Variants in PRX observed in about 807,000 individuals in gnomAD.
The protein encoded by PRX is periaxin.
PRX carries 24 observed loss-of-function variants against 29.6 expected under a neutral mutation model. That is an observed-to-expected ratio of 0.81 (90% CI 0.59 to 1.14). The LOEUF (loss-of-function observed/expected upper bound fraction) is 1.14. Ranked by LOEUF, PRX falls within the 50% of genes most tolerant of loss-of-function variation. The pLI, the probability that PRX is intolerant of heterozygous loss-of-function variation, is 0.00. For synonymous variants in PRX, 772 were observed against 831.7 expected, an observed-to-expected ratio of 0.93 and a Z score of 1.24; for missense variants, 1,838 against 1,926.4, an observed-to-expected ratio of 0.95 and a Z score of 0.86.
At position 40,394,133 on chromosome 19, in the gene PRX, A is replaced by C. The variant is rs146468976; in HGVS notation, c.4219T>G (p.Ser1407Ala). 5.1e-5 allele frequency: 82 copies of C among 1,599,552 alleles called. No individual in the cohort carries two copies. The highest frequency in any genetic ancestry group is 6.7e-5 in the Non-Finnish European group (78 of 1,170,324). The change falls in exon 7 of 7, where the codon TCA becomes GCA. Residue 1407 changes from serine to alanine, a missense_variant. By Grantham distance (99) the Ser-to-Ala change is moderately conservative. Transcript: ENST00000324001. This position sits in a 1 kb window ranked among gnomAD's most constrained non-coding sequence, Gnocchi z 5.8. Reference protein sequence around the residue: ...AAPKSPVREKSPKFRFPRVSL... With the variant: ...AAPKSPVREKAPKFRFPRVSL... The stretch of plus-strand genomic sequence containing the variant: ...ACCCTGGGGAAGCGGAACTTGGGTG[A>C]CTTCTCTCTGACGGGGGACTTGGGG...
At chr19:40,407,212 T>TGTGTGTGTGTGTG (rs2079535328) in intron 4 of PRX, among the ~76,000 whole-genome samples, 4 of 133,844 alleles carry the variant, frequency 3.0e-5, no homozygotes, top group African/African-American at 1.1e-4. Flanking sequence ...TTATATGCCC[T>TGTGTGTGTGTGTG]TGTGTGTGTG....
intron 5 of PRX, among the ~76,000 whole-genome samples, chr19:40,400,089 C>T (rs2079483590): frequency 1.3e-5 from 2 of 151,104 alleles, no homozygotes; most frequent in East Asian, 2.0e-4. Flanking sequence ...TTCAAGCGAC[C>T]CTCCTGCCTC....
chr19:40,398,900 C>T lies in PRX; in HGVS notation c.185-84G>A, dbSNP rs920600827. 3.0e-4 allele frequency: 482 copies of T among 1,593,128 alleles called. 3 individuals carry two copies. The highest frequency in any genetic ancestry group is 6.2e-4 in the Admixed American group (36 of 57,852). The stretch of plus-strand genomic sequence containing the variant: ...GTTCTGCCCACTTGCACGGAGCCCT[C>T]GCGGTGAGGACCCGCCCCAAATTTT... On this transcript the variant is annotated intron_variant, in intron 5 of 6. Coordinates refer to ENST00000324001, the MANE Select transcript of PRX (RefSeq NM_181882.3). This position sits in a 1 kb window ranked among gnomAD's most constrained non-coding sequence, Gnocchi z 6.3.
At chr19:40,413,559 G>C (rs1025568166), upstream of PRX, among the ~76,000 whole-genome samples, 1 of 152,086 alleles carries the variant, frequency 6.6e-6, no homozygotes, top group African/African-American at 2.4e-5. Context: ...GCCACCAGCC[G>C]CCTCTCTCTT....
intron 1 of PRX, among the ~76,000 whole-genome samples, chr19:40,412,545 C>A (rs529371207): frequency 6.6e-6 from 1 of 152,318 alleles, no homozygotes; most frequent in East Asian, 1.9e-4. Context: ...CACAGTGTTG[C>A]ACATCCAACC....
intron 1 of PRX, among the ~76,000 whole-genome samples, chr19:40,408,816 GGTGTGTGTGTGTGTGT>G (rs575859236): frequency 7.0e-6 from 1 of 143,306 alleles, no homozygotes; most frequent in Middle Eastern, 3.3e-3. Context: ...TGTTGTTGGT[GGTGTGTGTGTGTGTGT>G]GTGTGTGTGT....
chr19:40,413,887 CG>C (rs1225211058), upstream of PRX, among the ~76,000 whole-genome samples: 1 of 152,140 alleles, frequency 6.6e-6, no homozygotes, highest in African/African-American at 2.4e-5. Context: ...AAGACAATGC[CG>C]GGCACATAAT....
At chr19:40,408,304 G>C (rs1319749809) in intron 2 of PRX, 36 bp downstream of exon 2, 1 of 427,406 alleles carries the variant, frequency 2.3e-6, no homozygotes, top group Non-Finnish European at 4.4e-6. Context: ...GCGAGGAAGG[G>C]GTGGGGAGGG....
At chr19:40,399,979 CT>C (rs112236624) in intron 5 of PRX, among the ~76,000 whole-genome samples, 1 of 133,550 alleles carries the variant, frequency 7.5e-6, no homozygotes, top group Non-Finnish European at 1.6e-5. Context: ...GTCTGTCTTT[CT>C]TTTCTTTTCT....
chr19:40,413,756 C>T (rs980965008), upstream of PRX, among the ~76,000 whole-genome samples: 2 of 152,184 alleles, frequency 1.3e-5, no homozygotes, highest in African/African-American at 4.8e-5. Context: ...CAAATCGCAG[C>T]GCGACCACTT....
intron 5 of PRX, among the ~76,000 whole-genome samples, chr19:40,400,822 G>T (rs907151730): frequency 6.6e-6 from 1 of 152,000 alleles, no homozygotes; most frequent in Non-Finnish European, 1.5e-5. Flanking sequence ...GTCACCCCTT[G>T]GGAATTCTTG....
intron 5 of PRX, among the ~76,000 whole-genome samples, chr19:40,402,595 C>A (rs1259306634): frequency 3.3e-5 from 5 of 150,080 alleles, no homozygotes; most frequent in Admixed American, 6.7e-5. Context: ...CACGGTGAAA[C>A]CTCGTCTCTA....
At position 40,395,245 on chromosome 19, in the gene PRX, G is replaced by A. The variant is rs771237505; in HGVS notation, c.3107C>T (p.Ala1036Val). 17 of 1,613,830 alleles carry A rather than the reference G, an allele frequency of 1.1e-5. No individual in the cohort carries two copies. Among genetic ancestry groups the A allele is most frequent in the Non-Finnish European group, 1.4e-5 (16 of 1,180,020 alleles). Residue 1036 changes from alanine (A) to valine (V), a missense_variant, in exon 7 of 7, where the codon GCA (alanine) becomes GTA (valine). Physicochemically the swap from Ala to Val is moderately conservative, Grantham distance 64. Around this residue, in one of 3 missense-constraint regions of PRX, gnomAD observed 1,143 missense variants for 1,193.0 expected, o/e 0.96. Transcript: ENST00000324001. ...CTCAGCCACCCCTGGCACTAGTTCT[G>A]CTGCCTCAGTGTCCCGGCCTCTGAC... Reference protein sequence around the residue: ...FGVRGRDTEAAELVPGVAELE... With the variant: ...FGVRGRDTEAVELVPGVAELE...
At position 40,398,667 on chromosome 19, in the gene PRX, C is replaced by T. The variant is rs1374240096; in HGVS notation, c.334G>A (p.Val112Met). The change falls in exon 6 of 7, where the codon GTG (valine) becomes ATG (methionine). Residue 112 changes from valine to methionine, a missense_variant. Physicochemically the swap from Val to Met is conservative, Grantham distance 21. This residue lies in a region of PRX where 666 missense variants were observed against 665.0 expected (regional missense o/e 1.00). Coordinates refer to ENST00000324001, the MANE Select transcript of PRX (RefSeq NM_181882.3). This position sits in a 1 kb window ranked among gnomAD's most constrained non-coding sequence, Gnocchi z 6.3. ...TGDLALRPGT[V>M]SGYEIKGPRA... is the part of the protein sequence containing the mutation. ...GGGCCCTTGATCTCGTAGCCAGACA[C>T]GGTCCCGGGCCGCAGAGCCAGGTCC... 2 of 1,613,944 alleles carry T rather than the reference C, an allele frequency of 1.2e-6. No individual in the cohort carries two copies. Among genetic ancestry groups the T allele is most frequent in the Admixed American group, 1.7e-5 (1 of 60,020 alleles).
intron 1 of PRX, among the ~76,000 whole-genome samples, chr19:40,412,797 C>T (rs1202970333): frequency 6.6e-6 from 1 of 152,194 alleles, no homozygotes; most frequent in African/African-American, 2.4e-5. Context: ...CTCACTGCAG[C>T]CCCAACCTCC....
chr19:40,403,460 T>C (rs2079509786), intron 5 of PRX, among the ~76,000 whole-genome samples: 2 of 152,126 alleles, frequency 1.3e-5, no homozygotes, highest in South Asian at 4.1e-4. Flanking sequence ...ATTTCAGAGA[T>C]GAGAAAACTG....
chr19:40,396,426 C>CGGGAGTTTCACCTCA lies in PRX; in HGVS notation c.1911_1925dup (p.Glu638_Pro642dup), dbSNP rs759376968. On this transcript the variant is annotated inframe_insertion, in exon 7 of 7. Coordinates refer to ENST00000324001, the MANE Select transcript of PRX (RefSeq NM_181882.3). ...CGGGCACAGCCATCTCGGGCACCTT[C>CGGGAGTTTCACCTCA]GGGAGTTTCACCTCAGGGAGTTTCA... 6.2e-7 allele frequency: 1 copy of CGGGAGTTTCACCTCA among 1,604,958 alleles called. No homozygotes were observed. The highest frequency in any genetic ancestry group is 8.5e-7 in the Non-Finnish European group (1 of 1,177,126).
At position 40,397,022 on chromosome 19, in the gene PRX, G is replaced by A. The variant is rs1046312200; in HGVS notation, c.1330C>T (p.Leu444Phe). 6.2e-7 allele frequency: 1 copy of A among 1,614,024 alleles called. No individual in the cohort carries two copies. Among genetic ancestry groups the A allele is most frequent in the African/African-American group, 1.3e-5 (1 of 74,930 alleles). ...VKVPKGPEVK[L>F]PKAPEVKLPK... ...AGCTTGACCTCAGGAGCCTTGGGGA[G>A]CTTCACTTCAGGTCCCTTGGGCACC... Residue 444 changes from leucine to phenylalanine, a missense_variant, in exon 7 of 7, where the codon CTC becomes TTC. Coordinates refer to ENST00000324001, the MANE Select transcript of PRX (RefSeq NM_181882.3).
rs2079445823 is a variant in PRX, at chr19:40,397,013, C to T, written c.1339G>A (p.Ala447Thr). The change falls in exon 7 of 7, where the codon GCT becomes ACT. Residue 447 changes from alanine (A) to threonine (T), a missense_variant. By Grantham distance (58) the Ala-to-Thr change is moderately conservative (BLOSUM62 0). This residue lies in a region of PRX where 666 missense variants were observed against 665.0 expected (regional missense o/e 1.00). Transcript: ENST00000324001. ...PKGPEVKLPK[A>T]PEVKLPKVPE... is the part of the protein sequence containing the mutation. The stretch of plus-strand genomic sequence containing the variant: ...ACTTTTGGAAGCTTGACCTCAGGAG[C>T]CTTGGGGAGCTTCACTTCAGGTCCC... 1 of 1,614,150 alleles carries T rather than the reference C, an allele frequency of 6.2e-7. No individual in the cohort carries two copies. Among genetic ancestry groups the T allele is most frequent in the Non-Finnish European group, 8.5e-7 (1 of 1,180,046 alleles).
Sources: gnomAD v4.1 joint callset for allele counts (sites outside exome capture counted in the v4.1 genomes callset) on GRCh38, gnomAD v4.1.1 for gene constraint, gnomAD v4.1.1 regional missense constraint, Gnocchi (gnomAD v3.1) non-coding constraint, MANE v1.5 for transcripts, NCBI Gene and HGNC (gene_info 2026-07-23, HGNC 2026-07-21) for gene names.